ZNF236: variants seen among roughly 807,000 people sequenced by gnomAD.
ZNF236 encodes zinc finger protein 236.
A neutral mutation model predicts 191.2 loss-of-function variants in ZNF236; 50 were observed. That is an observed-to-expected ratio of 0.26 (90% CI 0.21 to 0.33). The LOEUF (loss-of-function observed/expected upper bound fraction) is 0.33. Among genes scored for constraint, ZNF236 ranks in the 10% least tolerant of loss-of-function variants. The pLI, the probability that ZNF236 is intolerant of heterozygous loss-of-function variation, is 1.00. For missense variants in ZNF236, 1,754 were observed against 2,374.5 expected, an observed-to-expected ratio of 0.74 and a Z score of 5.43; for synonymous variants, 907 against 928.8, an observed-to-expected ratio of 0.98 and a Z score of 0.43.
At chr18:76,948,824 G>A (rs534747345) in intron 27 of ZNF236, among the ~76,000 whole-genome samples, 1 of 152,318 alleles carries the variant, frequency 6.6e-6, no homozygotes, top group Non-Finnish European at 1.5e-5. Context: ...TGCCCCTCCA[G>A]GTCAAACGGA....
chr18:76,963,009 TATC>T (rs771347066), intron 30 of ZNF236, among the ~76,000 whole-genome samples: 31 of 152,298 alleles, frequency 2.0e-4, no homozygotes, highest in Admixed American at 3.9e-4. Flanking sequence ...TAAACAATCA[TATC>T]ATCAGCAAAC....
chr18:76,951,027 C>T (rs1453488257), intron 27 of ZNF236, among the ~76,000 whole-genome samples: 2 of 152,212 alleles, frequency 1.3e-5, no homozygotes, highest in Admixed American at 6.5e-5. Flanking sequence ...CAGTAGGTCT[C>T]AGCAGTGGGC....
chr18:76,906,150 CA>C (rs1472135164), intron 13 of ZNF236, among the ~76,000 whole-genome samples: 5 of 152,198 alleles, frequency 3.3e-5, no homozygotes, highest in Non-Finnish European at 5.9e-5. Flanking sequence ...GTCTACAAAG[CA>C]AAACCTTAAA....
intron 13 of ZNF236, among the ~76,000 whole-genome samples, chr18:76,906,656 A>G (rs1054745780): frequency 6.6e-6 from 1 of 152,210 alleles, no homozygotes. Flanking sequence ...TTCCGGACCC[A>G]GTGACCAATG....
At chr18:76,908,187 C>T in intron 13 of ZNF236, 133 bp from the exon 14 acceptor site, 1 of 1,221,880 alleles carries the variant, frequency 8.2e-7, no homozygotes, top group East Asian at 2.3e-5. Context: ...ACCTGAATTG[C>T]CATCATGACT....
chr18:76,900,356 TAGAC>T lies in ZNF236; in HGVS notation c.1894+1137_1894+1140del, dbSNP rs999975362. Among the ~76,000 whole-genome samples, 10 of 150,698 alleles carry T rather than the reference TAGAC, an allele frequency of 6.6e-5. No homozygotes were observed. In the East Asian group the frequency reaches 7.7e-4, roughly 12 times the overall value. ...TCAAGTGCAGTGAAAGATCCTCAATTAGACAGGTCAACTTAAACACCTTAAAACG... is the reference window on the plus strand; with the variant it reads ...TCAAGTGCAGTGAAAGATCCTCAATTAGGTCAACTTAAACACCTTAAAACG... On this transcript the variant is annotated intron_variant, in intron 11 of 30. Coordinates refer to ENST00000320610, the MANE Select transcript of ZNF236 (RefSeq NM_001306089.2).
At chr18:76,878,214 C>A (rs1035543720) in intron 7 of ZNF236, 62 bp downstream of exon 7, 2 of 1,458,006 alleles carry the variant, frequency 1.4e-6, no homozygotes, top group African/African-American at 1.4e-5. Flanking sequence ...TAAATATGAC[C>A]TTTACAATTG....
intron 1 of ZNF236, among the ~76,000 whole-genome samples, chr18:76,845,423 C>T (rs12954722): frequency 0.24 from 36,065 of 152,102 alleles, 5,358 homozygotes; most frequent in East Asian, 0.33. Context: ...AACAGTTAAA[C>T]GCAGGCAGCT....
intron 1 of ZNF236, among the ~76,000 whole-genome samples, chr18:76,831,415 GTATCACATT>G (rs1335279958): frequency 1.3e-5 from 2 of 152,158 alleles, no homozygotes; most frequent in Non-Finnish European, 2.9e-5. Flanking sequence ...CTGTATGGAT[GTATCACATT>G]TATCCATTTA....
At chr18:76,904,235 TA>T in intron 11 of ZNF236, 144 bp from the exon 12 acceptor site, 1 of 573,128 alleles carries the variant, frequency 1.7e-6, no homozygotes, top group Admixed American at 4.4e-5. Context: ...AGCCAGTTCC[TA>T]ACACAATTAA....
chr18:76,949,468 AGG>A (rs1968351339), intron 27 of ZNF236, among the ~76,000 whole-genome samples: 1 of 152,180 alleles, frequency 6.6e-6, no homozygotes, highest in African/African-American at 2.4e-5. Flanking sequence ...TATAAAAATG[AGG>A]TAGATAACCA....
At position 76,947,600 on chromosome 18, in the gene ZNF236, T is replaced by G; in HGVS notation, c.4862T>G (p.Val1621Gly). Residue 1621 changes from valine (V) to glycine (G), a missense_variant, in exon 27 of 31, where the codon GTG becomes GGG. Val to Gly is a moderately radical substitution (Grantham distance 109). This residue lies in a region of ZNF236 where 606 missense variants were observed against 761.5 expected (regional missense o/e 0.80). Coordinates refer to ENST00000320610, the MANE Select transcript of ZNF236 (RefSeq NM_001306089.2). ...GCAGGCTCGCCGCAAGTCATACTAG[T>G]GAGCCACACGCCACAGTCAGCGTCT... Reference protein sequence around the residue: ...GGAGSPQVILVSHTPQSASAA... With the variant: ...GGAGSPQVILGSHTPQSASAA... The G allele has an allele frequency of 6.2e-7, 1 of 1,614,036 alleles. No individual in the cohort carries two copies. The highest frequency in any genetic ancestry group is 8.5e-7 in the Non-Finnish European group (1 of 1,179,948).
At chr18:76,877,306 C>T (rs1452656646) in intron 6 of ZNF236, among the ~76,000 whole-genome samples, 5 of 151,850 alleles carry the variant, frequency 3.3e-5, no homozygotes, top group African/African-American at 1.2e-4. Context: ...GTCAGGAGTT[C>T]GAGACCAGCC....
intron 1 of ZNF236, among the ~76,000 whole-genome samples, chr18:76,823,016 C>T (rs1974905864): frequency 2.0e-5 from 3 of 149,490 alleles, no homozygotes; most frequent in South Asian, 2.1e-4. Context: ...AAGTGGCCGC[C>T]CCGTGTTCCG....
In ZNF236 at chr18:76,839,839, G is replaced by GGTGAAAACAGAA. The variant is rs1265092370; in HGVS notation, c.56-9686_56-9675dup. 3.3e-5 allele frequency among the ~76,000 whole-genome samples: 5 copies of GGTGAAAACAGAA among 152,190 alleles called. No individual in the cohort carries two copies. In the East Asian group the frequency reaches 9.6e-4, roughly 29 times the overall value. ...TTCACACAAATTGTATGTTTGTAGA[G>GGTGAAAACAGAA]GTGAAAACAGAATAATGGCAGCAAA... On this transcript the variant is annotated intron_variant, in intron 1 of 30. Transcript: ENST00000320610.
At chr18:76,946,563 C>T (rs543615363) in intron 26 of ZNF236, among the ~76,000 whole-genome samples, 120 of 152,212 alleles carry the variant, frequency 7.9e-4, no homozygotes, top group Non-Finnish European at 1.3e-3. Context: ...TGGTCAGCCA[C>T]GGTTTTAACT....
Position 76,970,874 on chromosome 18 carries a change from T to C in ZNF236, c.*2535T>C, listed in dbSNP as rs1968898761. 6.6e-6 allele frequency: 1 copy of C among 152,262 alleles called. No homozygotes were observed. 9.4% of individuals were successfully genotyped at this position (152,262 alleles called of 1,614,324 possible). On this transcript the variant is annotated 3_prime_UTR_variant, in exon 31 of 31. Coordinates refer to ENST00000320610, the MANE Select transcript of ZNF236 (RefSeq NM_001306089.2). ...TTCAGAGGCGTTTACCCCTGCAGTG[T>C]CCACTGGAAAGGCTTCAGACTTTCA...
intron 1 of ZNF236, 66 bp downstream of exon 1, chr18:76,822,728 C>T (rs1317107939): frequency 6.9e-6 from 1 of 145,616 alleles, no homozygotes; most frequent in Non-Finnish European, 1.5e-5. Context: ...CCCTGCCAGT[C>T]CCCGGATGCG....
rs2123000137 is a variant in ZNF236 at position 76,971,263 on chromosome 18, A to C, written c.*2924A>C. ...AATGAAGACATGTTTTCAAACATGC[A>C]GATTGAAATGCTACCCCACCCCCAT... is the stretch of plus-strand genomic sequence containing the variant. On this transcript the variant is annotated 3_prime_UTR_variant, in exon 31 of 31. Coordinates refer to ENST00000320610, the MANE Select transcript of ZNF236 (RefSeq NM_001306089.2). Among the ~76,000 whole-genome samples, 1 of 152,372 alleles carries C rather than the reference A, an allele frequency of 6.6e-6. No individual in the cohort carries two copies. Among genetic ancestry groups the C allele is most frequent in the South Asian group, 2.1e-4 (1 of 4,824 alleles).
Sources: gnomAD v4.1 joint callset for allele counts (sites outside exome capture counted in the v4.1 genomes callset) on GRCh38, gnomAD v4.1.1 for gene constraint, gnomAD v4.1.1 regional missense constraint, MANE v1.5 for transcripts, NCBI Gene and HGNC (gene_info 2026-07-23, HGNC 2026-07-21) for gene names.